Variants in CTNNA3 observed in about 807,000 individuals in gnomAD.
CTNNA3 encodes the protein catenin alpha-3.
Under a neutral mutation model 95.7 loss-of-function variants are expected in CTNNA3, and 76 were observed. The observed-to-expected ratio is 0.79, with a 90% CI of 0.66 to 0.96. The LOEUF is 0.96. Among genes scored for constraint, CTNNA3 ranks in the 40% least tolerant of loss-of-function variants. The probability of loss-of-function intolerance (pLI) is 0.00; values close to 1 mark genes in which losing one functional copy is unlikely to be tolerated. For missense variants in CTNNA3, 1,191 were observed against 1,089.8 expected (o/e 1.09, Z -1.31); for synonymous variants, 431 against 374.4 (o/e 1.15, Z -1.74).
chr10:65,980,840 C>A (rs1462985989), intron 16 of CTNNA3, among the ~76,000 whole-genome samples: 2 of 151,918 alleles, frequency 1.3e-5, no homozygotes, highest in Non-Finnish European at 2.9e-5. Flanking sequence ...AAATGACATA[C>A]CTTAAGGTAA....
chr10:66,980,928 CAG>C (rs199789534), intron 7 of CTNNA3, among the ~76,000 whole-genome samples: 3,377 of 152,186 alleles, frequency 0.022, 54 homozygotes, highest in Non-Finnish European at 0.034. Context: ...ATTTTTGAGA[CAG>C]AGTTTCACTC....
intron 7 of CTNNA3, among the ~76,000 whole-genome samples, chr10:66,993,528 AT>A: frequency 6.6e-6 from 1 of 152,220 alleles, no homozygotes; most frequent in East Asian, 1.9e-4. Context: ...CTTCAACACC[AT>A]TTTGGACCCT....
rs2132790779 is a variant in CTNNA3 at position 66,964,588 on chromosome 10, C to T, written c.1048-189064G>A. Among the ~76,000 whole-genome samples, 3 of 152,254 alleles carry T rather than the reference C, an allele frequency of 2.0e-5. 1 individual carries two copies. The South Asian group carries it at 6.2e-4, about 32-fold the overall frequency. ...GGGCTCTTGGGCACTTTCATCATGA[C>T]ATTTAAACAATAAATGTATCTGTCA... On this transcript the variant is annotated intron_variant, in intron 7 of 17. Transcript: ENST00000433211.
intron 12 of CTNNA3, among the ~76,000 whole-genome samples, chr10:66,318,535 C>T (rs530345492): frequency 6.6e-6 from 1 of 152,050 alleles, no homozygotes; most frequent in African/African-American, 2.4e-5. Flanking sequence ...AGCTTCCTCT[C>T]CAATATCCAT....
chr10:66,131,066 CA>C (rs571726484), intron 13 of CTNNA3, among the ~76,000 whole-genome samples: 4,720 of 113,740 alleles, frequency 0.041, 117 homozygotes, highest in Non-Finnish European at 0.059. Context: ...AATTGCCTAC[CA>C]AAAAAAAAAA....
At chr10:66,845,035 C>T (rs1843196721) in intron 7 of CTNNA3, among the ~76,000 whole-genome samples, 1 of 152,080 alleles carries the variant, frequency 6.6e-6, no homozygotes, top group Non-Finnish European at 1.5e-5. Context: ...GTCTAAAGAT[C>T]ACAAACAATT....
At chr10:66,694,293 C>T (rs1847673874) in intron 9 of CTNNA3, among the ~76,000 whole-genome samples, 1 of 151,846 alleles carries the variant, frequency 6.6e-6, no homozygotes, top group Non-Finnish European at 1.5e-5. Flanking sequence ...ACCACCAATC[C>T]CACAGAAATA....
At chr10:67,132,263 G>A (rs907690830) in intron 7 of CTNNA3, among the ~76,000 whole-genome samples, 3 of 152,000 alleles carry the variant, frequency 2.0e-5, no homozygotes, top group Admixed American at 2.0e-4. Flanking sequence ...GGATTGATGC[G>A]ACAAAATGGA....
intron 5 of CTNNA3, among the ~76,000 whole-genome samples, chr10:67,468,268 C>T (rs1479704672): frequency 6.6e-6 from 1 of 151,890 alleles, no homozygotes; most frequent in Admixed American, 6.6e-5. Context: ...GTGGTTTATG[C>T]CTGTAGTCCC....
intron 5 of CTNNA3, among the ~76,000 whole-genome samples, chr10:67,291,712 G>C (rs1839843740): frequency 6.6e-6 from 1 of 152,082 alleles, no homozygotes; most frequent in African/African-American, 2.4e-5. Flanking sequence ...CACACAAAAA[G>C]AAAGCTTTGC....
At chr10:66,904,403 C>A (rs944078149) in intron 7 of CTNNA3, among the ~76,000 whole-genome samples, 2 of 152,122 alleles carry the variant, frequency 1.3e-5, no homozygotes, top group African/African-American at 4.8e-5. Flanking sequence ...AGACCTAAAA[C>A]CCCAAAAACC....
chr10:67,082,114 C>A (rs1857086867), intron 7 of CTNNA3, among the ~76,000 whole-genome samples: 1 of 152,092 alleles, frequency 6.6e-6, no homozygotes, highest in Admixed American at 6.6e-5. Context: ...AATTTTCTTT[C>A]AATGCTATAG....
intron 1 of CTNNA3, among the ~76,000 whole-genome samples, chr10:67,660,275 C>G (rs1021119370): frequency 2.0e-5 from 3 of 152,196 alleles, no homozygotes; most frequent in African/African-American, 7.2e-5. Context: ...TAAATATCCT[C>G]TCTATAGGAA....
intron 2 of CTNNA3, among the ~76,000 whole-genome samples, chr10:67,635,525 C>T (rs1839281485): frequency 6.6e-6 from 1 of 152,110 alleles, no homozygotes; most frequent in South Asian, 2.1e-4. Context: ...ATATGCAAAT[C>T]AACAAATGTG....
intron 5 of CTNNA3, among the ~76,000 whole-genome samples, chr10:67,444,726 T>C (rs1480793813): frequency 6.6e-6 from 1 of 151,962 alleles, no homozygotes; most frequent in Non-Finnish European, 1.5e-5. Flanking sequence ...TTACAACTGA[T>C]ACCACAGAAA....
At chr10:67,085,361 C>G (rs1022598885) in intron 7 of CTNNA3, among the ~76,000 whole-genome samples, 2 of 151,004 alleles carry the variant, frequency 1.3e-5, no homozygotes, top group African/African-American at 4.9e-5. Flanking sequence ...AAAAAATGAA[C>G]CCTAATTTGT....
intron 11 of CTNNA3, among the ~76,000 whole-genome samples, chr10:66,428,792 G>A (rs563840580): frequency 1.1e-4 from 17 of 151,998 alleles, no homozygotes; most frequent in Non-Finnish European, 1.2e-4. Context: ...ATGCCCACAA[G>A]AGAAAGCAGG....
At chr10:66,091,160 T>G (rs1415172138) in intron 14 of CTNNA3, among the ~76,000 whole-genome samples, 1 of 151,942 alleles carries the variant, frequency 6.6e-6, no homozygotes, top group East Asian at 1.9e-4. Context: ...TGATGACAAT[T>G]TAAGGCAGAA....
chr10:65,920,713 C>T lies in CTNNA3; in HGVS notation c.2401-96G>A, dbSNP rs2077073403. ...TGGTGGCATGTGCCCGTTGCCCCAG[C>T]TACTCAGGAGGCTGAGGAGGGAGGA... On this transcript the variant is annotated intron_variant, in intron 17 of 17. Coordinates refer to ENST00000433211, the MANE Select transcript of CTNNA3 (RefSeq NM_013266.4). The T allele has an allele frequency of 7.4e-6, 10 of 1,354,716 alleles. 1 individual carries two copies. The South Asian group carries it at 1.2e-4, about 17-fold the overall frequency. The allele number at this position is 1,354,716 out of a possible 1,614,324, so 83.9% of individuals were successfully genotyped here. A position where few individuals can be genotyped will look rare whatever the true frequency, so the allele number is the denominator to read the frequency against.
Sources: gnomAD v4.1 joint callset for allele counts (sites outside exome capture counted in the v4.1 genomes callset) on GRCh38, gnomAD v4.1.1 for gene constraint, MANE v1.5 for transcripts, NCBI Gene and HGNC (gene_info 2026-07-23, HGNC 2026-07-21) for gene names.